Variants in GKAP1 observed in about 807,000 individuals in gnomAD.
The protein encoded by GKAP1 is G kinase anchoring protein 1.
Under a neutral mutation model 56.7 loss-of-function variants are expected in GKAP1, and 31 were observed. The ratio of observed to expected loss-of-function variants is 0.55; its 90% confidence interval spans 0.41 to 0.74. The LOEUF (loss-of-function observed/expected upper bound fraction) is 0.74, where lower values mean the gene tolerates loss of function less well. Ranked by LOEUF, GKAP1 falls within the 30% of genes least tolerant of loss-of-function variation. GKAP1 has a pLI of 0.00. For missense variants in GKAP1, 364 were observed against 402.3 expected, an observed-to-expected ratio of 0.90 and a Z score of 0.82; for synonymous variants, 151 against 138.6, an observed-to-expected ratio of 1.09 and a Z score of -0.63.
intron 5 of GKAP1, among the ~76,000 whole-genome samples, chr9:83,786,993 C>T (rs1944075728): frequency 6.6e-6 from 1 of 152,092 alleles, no homozygotes. Context: ...ATTACTTTTC[C>T]GGTGTAACCT....
rs1252567802 is a variant in GKAP1 at position 83,739,607 on chromosome 9, T to C, written c.*90A>G. 1 of 933,506 alleles carries C rather than the reference T, an allele frequency of 1.1e-6. No individual in the cohort carries two copies. Among genetic ancestry groups the C allele is most frequent in the African/African-American group, 1.7e-5 (1 of 60,506 alleles). 57.8% of individuals were successfully genotyped at this position (933,506 alleles called of 1,614,324 possible). A position where few individuals can be genotyped will look rare whatever the true frequency, so the allele number is the denominator to read the frequency against. Reference sequence around the variant, plus strand: ...TTTAGTTCCTTCAAGAAAAACTGCATAGTTTAGCAGTTGCACAGCATTAAA... The same window carrying C: ...TTTAGTTCCTTCAAGAAAAACTGCACAGTTTAGCAGTTGCACAGCATTAAA... On this transcript the variant is annotated 3_prime_UTR_variant, in exon 13 of 13. Coordinates refer to ENST00000376371, the MANE Select transcript of GKAP1 (RefSeq NM_025211.4).
At position 83,742,068 on chromosome 9, in the gene GKAP1, G is replaced by A. The variant is rs1345778296; in HGVS notation, c.976-39C>T. 4 of 1,353,988 alleles carry A rather than the reference G, an allele frequency of 3.0e-6. No individual in the cohort carries two copies. The African/African-American group carries it at 4.4e-5, about 15-fold the overall frequency. The allele number at this position is 1,353,988 out of a possible 1,614,324, so 83.9% of individuals were successfully genotyped here. A position where few individuals can be genotyped will look rare whatever the true frequency, so the allele number is the denominator to read the frequency against. On this transcript the variant is annotated intron_variant, in intron 11 of 12. Coordinates refer to ENST00000376371, the MANE Select transcript of GKAP1 (RefSeq NM_025211.4). ...TTCAATAAGAAAAAGAATTTTTGGG[G>A]TTTTTGGCAAATACTCAATTCTTAA... is the stretch of plus-strand genomic sequence containing the variant.
intron 8 of GKAP1, among the ~76,000 whole-genome samples, chr9:83,760,388 A>G (rs973675078): frequency 4.6e-5 from 7 of 152,170 alleles, no homozygotes; most frequent in Non-Finnish European, 1.0e-4. Context: ...TTAGAGCTAA[A>G]GAGAGAGATG....
At chr9:83,746,294 A>G (rs1943292111) in intron 10 of GKAP1, among the ~76,000 whole-genome samples, 1 of 152,190 alleles carries the variant, frequency 6.6e-6, no homozygotes, top group Non-Finnish European at 1.5e-5. Context: ...TTGGTATACA[A>G]TTGCTTGCAG....
chr9:83,784,497 G>A (rs1274346657), intron 6 of GKAP1, among the ~76,000 whole-genome samples: 1 of 152,104 alleles, frequency 6.6e-6, no homozygotes, highest in African/African-American at 2.4e-5. Flanking sequence ...CCAGAACTGT[G>A]AGCCAATAAA....
At chr9:83,740,970 CA>C (rs1943196629) in intron 12 of GKAP1, among the ~76,000 whole-genome samples, 1 of 152,060 alleles carries the variant, frequency 6.6e-6, no homozygotes. Context: ...CAGAGAAAAA[CA>C]GTATGAATAG....
chr9:83,793,478 A>G (rs1388410342), intron 4 of GKAP1, among the ~76,000 whole-genome samples: 1 of 152,218 alleles, frequency 6.6e-6, no homozygotes, highest in Non-Finnish European at 1.5e-5. Flanking sequence ...TACAAAAATG[A>G]CATATATAAT....
chr9:83,810,480 C>G (rs1478978949), intron 2 of GKAP1, among the ~76,000 whole-genome samples: 1 of 152,190 alleles, frequency 6.6e-6, no homozygotes, highest in East Asian at 1.9e-4. Context: ...TTTTACTTAT[C>G]CTATACTATA....
In GKAP1 at chr9:83,792,183, C is replaced by A. The variant is rs563623364; in HGVS notation, c.361-3505G>T. Among the ~76,000 whole-genome samples, 35 of 152,220 alleles carry A rather than the reference C, an allele frequency of 2.3e-4. 2 individuals are homozygous for A. The South Asian group carries it at 6.8e-3, about 30-fold the overall frequency. ...CAACTGTACAAGGTAGTTTTAAGGA[C>A]TTAAAGTTGTAATATGTATGAAGTA... On this transcript the variant is annotated intron_variant, in intron 4 of 12. Coordinates refer to ENST00000376371, the MANE Select transcript of GKAP1 (RefSeq NM_025211.4).
intron 2 of GKAP1, 100 bp from the exon 3 acceptor site, chr9:83,806,660 G>C: frequency 1.5e-6 from 1 of 659,942 alleles, no homozygotes; most frequent in Non-Finnish European, 2.5e-6. Flanking sequence ...AATTTCTTCT[G>C]ACACTGGATT....
chr9:83,777,541 G>A (rs1168455608), intron 7 of GKAP1, among the ~76,000 whole-genome samples: 1 of 152,070 alleles, frequency 6.6e-6, no homozygotes, highest in African/African-American at 2.4e-5. Context: ...CTGAGAACAA[G>A]TTTAGCTAGC....
chr9:83,809,073 T>C (rs544601838), intron 2 of GKAP1, among the ~76,000 whole-genome samples: 2 of 152,358 alleles, frequency 1.3e-5, no homozygotes, highest in African/African-American at 4.8e-5. Context: ...ACTGAAGCCT[T>C]ATCAAGACTT....
intron 3 of GKAP1, among the ~76,000 whole-genome samples, chr9:83,804,756 C>T (rs1351831333): frequency 4.7e-5 from 7 of 148,476 alleles, no homozygotes; most frequent in Admixed American, 3.3e-4. Flanking sequence ...CCACCCCGTC[C>T]GGGAGGTGAG....
chr9:83,808,185 T>G (rs1244986779), intron 2 of GKAP1, among the ~76,000 whole-genome samples: 2 of 152,206 alleles, frequency 1.3e-5, no homozygotes, highest in African/African-American at 4.8e-5. Context: ...TCTACAAGCA[T>G]GAGAACGAAT....
At chr9:83,775,975 TA>T (rs1943855078) in intron 7 of GKAP1, among the ~76,000 whole-genome samples, 1 of 151,474 alleles carries the variant, frequency 6.6e-6, no homozygotes, top group African/African-American at 2.4e-5. Context: ...AGAAATTCTG[TA>T]AAGCTATAAC....
chr9:83,786,557 A>G (rs528809091), intron 5 of GKAP1, among the ~76,000 whole-genome samples: 1 of 152,214 alleles, frequency 6.6e-6, no homozygotes, highest in East Asian at 1.9e-4. Flanking sequence ...AAAAAAAGAA[A>G]AAAGAAGAAA....
rs1226156610 is a variant in GKAP1, at chr9:83,779,574, CATAT to C, written c.585+804_585+807del. On this transcript the variant is annotated intron_variant, in intron 7 of 12. Coordinates refer to ENST00000376371, the MANE Select transcript of GKAP1 (RefSeq NM_025211.4). Reference sequence around the variant, plus strand: ...GTGTATATGTGTATATATATACACACATATATATACACGTATATGTGTATATATA... The same window carrying C: ...GTGTATATGTGTATATATATACACACATATACACGTATATGTGTATATATA... Among the ~76,000 whole-genome samples the C allele has an allele frequency of 2.5e-3, 198 of 80,324 alleles. 2 individuals are homozygous for C. Among genetic ancestry groups the C allele is most frequent in the African/African-American group, 0.017 (186 of 11,084 alleles). The allele number at this position is 80,324 out of a possible 152,430, so 52.7% of individuals were successfully genotyped here.
At chr9:83,790,380 G>A (rs778916758) in intron 4 of GKAP1, among the ~76,000 whole-genome samples, 1 of 152,066 alleles carries the variant, frequency 6.6e-6, no homozygotes, top group Non-Finnish European at 1.5e-5. Flanking sequence ...GTATTCAATG[G>A]TTATAAGGTA....
At chr9:83,740,273 C>T (rs1225952575) in intron 12 of GKAP1, among the ~76,000 whole-genome samples, 4 of 151,960 alleles carry the variant, frequency 2.6e-5, no homozygotes, top group African/African-American at 4.8e-5. Context: ...ATTTAATTTG[C>T]TCCATATGAA....
Sources: gnomAD v4.1 joint callset for allele counts (sites outside exome capture counted in the v4.1 genomes callset) on GRCh38, gnomAD v4.1.1 for gene constraint, MANE v1.5 for transcripts, NCBI Gene and HGNC (gene_info 2026-07-23, HGNC 2026-07-21) for gene names.